C1orf159: variants seen among roughly 807,000 people sequenced by gnomAD.
C1orf159 encodes uncharacterized protein C1orf159.
Under a neutral mutation model 25.6 loss-of-function variants are expected in C1orf159, and 19 were observed. The observed-to-expected ratio is 0.74, with a 90% CI of 0.52 to 1.09. The LOEUF is 1.09. Among genes scored for constraint, C1orf159 ranks in the 50% least tolerant of loss-of-function variants. C1orf159 has a pLI of 0.00. For synonymous variants in C1orf159, 139 were observed against 124.7 expected (o/e 1.12, Z -0.77); for missense variants, 274 against 290.6 (o/e 0.94, Z 0.42).
chr1:1,091,408 G>A (rs1323285588), intron 3 of C1orf159, 64 bp downstream of exon 3: 4 of 1,428,206 alleles, frequency 2.8e-6, no homozygotes, highest in Non-Finnish European at 3.9e-6. Context: ...TCTAGGGGAA[G>A]GGCCCACCGC....
chr1:1,114,787 T>A (rs1322686117), intron 1 of C1orf159, among the ~76,000 whole-genome samples: 3 of 151,872 alleles, frequency 2.0e-5, no homozygotes, highest in African/African-American at 7.3e-5. Flanking sequence ...ACCGGCTCCC[T>A]CTGCGAGGGT....
rs1318913560 is a variant in C1orf159 at position 1,091,548 on chromosome 1, G to A, written c.-5C>T. The A allele has an allele frequency of 1.3e-6, 2 of 1,549,028 alleles. No homozygotes were observed. The highest frequency in any genetic ancestry group is 8.7e-7 in the Non-Finnish European group (1 of 1,146,788). On this transcript the variant is annotated 5_prime_UTR_variant, in exon 3 of 10. Transcript: ENST00000421241. ...GGCGAGGTGCCGCAGCGCCATGCCAGGAGCAGATGCGCAGAGCCTGCCACA... is the reference window on the plus strand; with the variant it reads ...GGCGAGGTGCCGCAGCGCCATGCCAAGAGCAGATGCGCAGAGCCTGCCACA...
chr1:1,111,556 T>G (rs1646256895), intron 1 of C1orf159, among the ~76,000 whole-genome samples: 1 of 151,836 alleles, frequency 6.6e-6, no homozygotes, highest in African/African-American at 2.4e-5. Flanking sequence ...AAAGAACTGG[T>G]TTCAAGAAAA....
chr1:1,084,565 C>T lies in C1orf159; in HGVS notation c.446-59G>A. 5 of 1,545,348 alleles carry T rather than the reference C, an allele frequency of 3.2e-6. No homozygotes were observed. The South Asian group carries it at 4.8e-5, about 15-fold the overall frequency. On this transcript the variant is annotated intron_variant, in intron 7 of 9. Transcript: ENST00000421241. ...CCCAGGAGCTGCCTCAACCTCAGCC[C>T]AGTGCAGCGTCCGGGACAGCAGAGC...
intron 1 of C1orf159, among the ~76,000 whole-genome samples, chr1:1,093,611 C>T (rs1453009967): frequency 6.6e-6 from 1 of 152,238 alleles, no homozygotes; most frequent in East Asian, 1.9e-4. Context: ...TAGATCCTTC[C>T]ATGTTGTTTT....
intron 9 of C1orf159, chr1:1,084,080 C>T (rs761798420): frequency 1.4e-5 from 22 of 1,604,562 alleles, no homozygotes; most frequent in Non-Finnish European, 1.9e-5. Flanking sequence ...TCCTGCAGAC[C>T]CCACGTCTCG....
chr1:1,088,286 G>GGGACCCTCCCACGCCTCCCCA (rs1185153106), intron 4 of C1orf159, among the ~76,000 whole-genome samples: 51 of 57,104 alleles, frequency 8.9e-4, no homozygotes, highest in African/African-American at 3.8e-3. Flanking sequence ...ACGCCTCCCT[G>GGGACCCTCCCACGCCTCCCCA]GGACCCTCCC....
At chr1:1,083,690 G>C in intron 9 of C1orf159, 2 of 575,344 alleles carry the variant, frequency 3.5e-6, no homozygotes, top group African/African-American at 1.9e-5. Flanking sequence ...GGGCACCGTG[G>C]GGTCTGCTGG....
chr1:1,085,311 C>A, intron 7 of C1orf159: 1 of 416,984 alleles, frequency 2.4e-6, no homozygotes, highest in Non-Finnish European at 4.9e-6. Context: ...GGGGCCGGCC[C>A]TGGACAACGA....
At position 1,082,522 on chromosome 1, in the gene C1orf159, G is replaced by A; in HGVS notation, c.*371C>T. 2.0e-5 allele frequency: 6 copies of A among 299,856 alleles called. No individual in the cohort carries two copies. The highest frequency in any genetic ancestry group is 6.1e-5 in the South Asian group (2 of 32,918). 18.6% of individuals were successfully genotyped at this position (299,856 alleles called of 1,614,324 possible). On this transcript the variant is annotated 3_prime_UTR_variant, in exon 10 of 10. Transcript: ENST00000421241. ...GCTGTGGGCTCTGGAGGGCACGGCA[G>A]CAGAGCCCCTGGCTTTTCTAGGCAG...
At chr1:1,100,513 T>C (rs762140219) in intron 1 of C1orf159, among the ~76,000 whole-genome samples, 1 of 152,080 alleles carries the variant, frequency 6.6e-6, no homozygotes, top group Non-Finnish European at 1.5e-5. Flanking sequence ...CCACTCAAAG[T>C]CCATGGTTGA....
chr1:1,095,125 C>G (rs1359155648), intron 1 of C1orf159, among the ~76,000 whole-genome samples: 1 of 152,218 alleles, frequency 6.6e-6, no homozygotes, highest in African/African-American at 2.4e-5. Flanking sequence ...ATTACTGAAG[C>G]TGTAAGTAGA....
At chr1:1,112,072 C>A (rs994088081) in intron 1 of C1orf159, among the ~76,000 whole-genome samples, 2 of 152,192 alleles carry the variant, frequency 1.3e-5, no homozygotes, top group African/African-American at 4.8e-5. Flanking sequence ...GTGAGCAGGG[C>A]AGGATCGGGC....
intron 1 of C1orf159, among the ~76,000 whole-genome samples, chr1:1,107,535 C>T (rs146618846): frequency 6.6e-6 from 1 of 152,264 alleles, no homozygotes; most frequent in Non-Finnish European, 1.5e-5. Flanking sequence ...AGAACTTTTA[C>T]GTCTAGCTAG....
chr1:1,113,272 C>T (rs541060352), intron 1 of C1orf159, among the ~76,000 whole-genome samples: 6 of 152,032 alleles, frequency 3.9e-5, no homozygotes, highest in Non-Finnish European at 7.4e-5. Flanking sequence ...TCTGAGGCAG[C>T]GAGAATCGAG....
Position 1,090,441 on chromosome 1 carries a change from C to T in C1orf159, c.73-13G>A, listed in dbSNP as rs368019045. ...CGGGCAGCTGGGCCTGGAGGGGACA[C>T]GGCAGTGAAACTCCAGGACGCGCCT... On this transcript the variant is annotated splice_polypyrimidine_tract_variant and intron_variant, in intron 3 of 9. Transcript: ENST00000421241. 194 of 1,550,148 alleles carry T rather than the reference C, an allele frequency of 1.3e-4. No homozygotes were observed. The highest frequency in any genetic ancestry group is 1.5e-4 in the Non-Finnish European group (169 of 1,146,820).
chr1:1,087,225 G>T lies in C1orf159; in HGVS notation c.245-21C>A. The T allele has an allele frequency of 6.3e-7, 1 of 1,596,624 alleles. No individual in the cohort carries two copies. The highest frequency in any genetic ancestry group is 8.5e-7 in the Non-Finnish European group (1 of 1,171,864). ...AGCAACTGTGGGATAGCAGAACTGT[G>T]GGAAGCCTGTGTGCACGGAGCCCAC... On this transcript the variant is annotated intron_variant, in intron 5 of 9. Coordinates refer to ENST00000421241, the MANE Select transcript of C1orf159 (RefSeq NM_017891.5). The surrounding 1 kb of genome is among the most constrained non-coding windows in gnomAD (Gnocchi z 8.3).
intron 1 of C1orf159, among the ~76,000 whole-genome samples, chr1:1,103,941 A>C (rs1646136842): frequency 6.6e-6 from 1 of 151,962 alleles, no homozygotes; most frequent in South Asian, 2.1e-4. Context: ...TCAGCCTCCC[A>C]AAATCCTGGG....
chr1:1,099,419 C>T (rs1056470180), intron 1 of C1orf159, among the ~76,000 whole-genome samples: 22 of 150,834 alleles, frequency 1.5e-4, no homozygotes, highest in African/African-American at 4.6e-4. Flanking sequence ...TTAAAATCTC[C>T]GACTATGATT....
Sources: allele counts gnomAD v4.1 joint callset (sites outside exome capture counted in the v4.1 genomes callset), GRCh38; gene constraint gnomAD v4.1.1; non-coding constraint Gnocchi (gnomAD v3.1); transcripts MANE v1.5; gene names NCBI Gene and HGNC (gene_info 2026-07-23, HGNC 2026-07-21).